The following ZNF75D variants were observed in gnomAD, a reference collection of about 807,000 sequenced individuals.
ZNF75D encodes the protein zinc finger protein 75D, also known as zinc finger protein 75.
Under a neutral mutation model 33.3 loss-of-function variants are expected in ZNF75D, and 33 were observed. That is an observed-to-expected ratio of 0.99 (90% CI 0.75 to 1.32). ZNF75D has a LOEUF of 1.32. ZNF75D is among the 40% of genes most tolerant of loss of function. The pLI is 0.00. For synonymous variants in ZNF75D, 113 were observed against 130.6 expected, an observed-to-expected ratio of 0.87 and a Z score of 0.92; for missense variants, 338 against 367.5, an observed-to-expected ratio of 0.92 and a Z score of 0.66.
intron 1 of ZNF75D, among the ~76,000 whole-genome samples, chrX:135,258,965 T>C (rs1284646701): frequency 8.9e-6 from 1 of 112,333 alleles, no homozygotes; most frequent in African/African-American, 3.2e-5. Flanking sequence ...TTGAATTAAT[T>C]TTTGTATAAG....
chrX:135,262,152 C>T (rs782096294), intron 1 of ZNF75D, among the ~76,000 whole-genome samples: 22 of 112,054 alleles, frequency 2.0e-4, no homozygotes, highest in Non-Finnish European at 3.8e-4. Flanking sequence ...GGGTTTCTTC[C>T]GAGAGATCCA....
Position 135,293,782 on chromosome X carries a change from G to A in ZNF75D, c.359C>T (p.Ala120Val). The A allele has an allele frequency of 8.3e-7, 1 of 1,202,452 alleles. No individual in the cohort carries two copies. The highest frequency in any genetic ancestry group is 1.1e-6 in the Non-Finnish European group (1 of 889,403). Residue 120 changes from alanine to valine, a missense_variant, in exon 3 of 7, where the codon GCT becomes GTT. Around this residue, in one of 3 missense-constraint regions of ZNF75D, gnomAD observed 254 missense variants for 267.7 expected, o/e 0.95. Transcript: ENST00000370766. ...QKHHPQNVKQ[A>V]LVLVEFLQRE... ...CTGCAAGAATTCCACCAGGACCAGA[G>A]CCTGTTTGACATTCTGTGGATGATG...
At chrX:135,306,147 T>C (rs1387022119) in intron 1 of ZNF75D, among the ~76,000 whole-genome samples, 1 of 110,665 alleles carries the variant, frequency 9.0e-6, no homozygotes, top group Non-Finnish European at 1.9e-5. Context: ...GAGGCCAGAC[T>C]GGGTCTTAAG....
chrX:135,314,651 TTAC>T (rs2084397948), intron 1 of ZNF75D, among the ~76,000 whole-genome samples: 1 of 111,737 alleles, frequency 8.9e-6, no homozygotes, highest in East Asian at 2.8e-4. Context: ...TGATTTAATG[TTAC>T]TACTTGTTAT....
In ZNF75D at chrX:135,263,789, C is replaced by T. The variant is rs190756767; in HGVS notation, n.828-8012G>A. ...GTGCTTCCTGGGTGAGGCGACACCCCGCCCTGCTTCAGCTCGCCCTCTGTG... is the reference window on the plus strand; with the variant it reads ...GTGCTTCCTGGGTGAGGCGACACCCTGCCCTGCTTCAGCTCGCCCTCTGTG... On this transcript the variant is annotated intron_variant and non_coding_transcript_variant, in intron 1 of 3. Coordinates refer to the ZNF75D transcript ENST00000494295. Among the ~76,000 whole-genome samples the T allele has an allele frequency of 8.0e-4, 90 of 112,880 alleles. No individual in the cohort carries two copies. In the East Asian group the frequency reaches 0.023, roughly 29 times the overall value.
intron 1 of ZNF75D, among the ~76,000 whole-genome samples, chrX:135,313,737 A>G (rs1373573198): frequency 9.0e-6 from 1 of 111,034 alleles, no homozygotes; most frequent in Non-Finnish European, 1.9e-5. Context: ...TAGGTATTTT[A>G]TATTTTTGTA....
intron 1 of ZNF75D, among the ~76,000 whole-genome samples, chrX:135,312,060 C>A (rs1251481180): frequency 9.0e-6 from 1 of 111,313 alleles, no homozygotes; most frequent in Non-Finnish European, 1.9e-5. Context: ...TAACTATAGT[C>A]GCCTTACTTT....
intron 1 of ZNF75D, among the ~76,000 whole-genome samples, chrX:135,264,349 T>G (rs1556416038): frequency 1.8e-5 from 2 of 111,695 alleles, no homozygotes. Context: ...ATGTGGCTAT[T>G]ACAATTCAAC....
In ZNF75D at chrX:135,280,508, G is replaced by A. The variant is rs782252442; in HGVS notation, n.828-24731C>T. Among the ~76,000 whole-genome samples, 29 of 111,878 alleles carry A rather than the reference G, an allele frequency of 2.6e-4. No individual in the cohort carries two copies. The South Asian group carries it at 0.01, about 40-fold the overall frequency. On this transcript the variant is annotated intron_variant and non_coding_transcript_variant, in intron 1 of 3. Coordinates refer to the ZNF75D transcript ENST00000494295. ...TTACATTTAAGGTTAATATTTTTAT[G>A]TGTGAATTTGATCCTGTCATTATGA...
intron 1 of ZNF75D, among the ~76,000 whole-genome samples, chrX:135,304,122 G>A (rs1390343186): frequency 1.8e-5 from 2 of 112,029 alleles, no homozygotes; most frequent in African/African-American, 6.5e-5. Flanking sequence ...TAACAAAAAG[G>A]ATTCATTACT....
intron 1 of ZNF75D, among the ~76,000 whole-genome samples, chrX:135,272,309 C>G (rs1299069470): frequency 9.7e-6 from 1 of 102,659 alleles, no homozygotes; most frequent in Non-Finnish European, 2.0e-5. Context: ...TTTTCCAGAT[C>G]TCCTTTTTAT....
Position 135,293,783 on chromosome X carries a change from C to T in ZNF75D, c.358G>A (p.Ala120Thr), listed in dbSNP as rs781812776. 1.7e-6 allele frequency: 2 copies of T among 1,202,578 alleles called. No individual in the cohort carries two copies. The highest frequency in any genetic ancestry group is 2.2e-6 in the Non-Finnish European group (2 of 889,367). Reference protein sequence around the residue: ...QKHHPQNVKQALVLVEFLQRE... With the variant: ...QKHHPQNVKQTLVLVEFLQRE... ...TGCAAGAATTCCACCAGGACCAGAG[C>T]CTGTTTGACATTCTGTGGATGATGC... Residue 120 changes from alanine to threonine, a missense_variant, in exon 3 of 7, where the codon GCT becomes ACT. Physicochemically the swap from Ala to Thr is moderately conservative, Grantham distance 58. Around this residue, in one of 3 missense-constraint regions of ZNF75D, gnomAD observed 254 missense variants for 267.7 expected, o/e 0.95. Transcript: ENST00000370766.
At chrX:135,259,782 T>C (rs1229663556) in intron 1 of ZNF75D, among the ~76,000 whole-genome samples, 2 of 111,999 alleles carry the variant, frequency 1.8e-5, no homozygotes, top group Non-Finnish European at 3.8e-5. Context: ...GAATACCCTT[T>C]ATTTCCTTCT....
chrX:135,315,850 C>T (rs781801871), intron 1 of ZNF75D, among the ~76,000 whole-genome samples: 3 of 111,639 alleles, frequency 2.7e-5, no homozygotes, highest in Admixed American at 9.5e-5. Flanking sequence ...ATAGGCAGCA[C>T]GTAGTTAGAT....
intron 1 of ZNF75D, among the ~76,000 whole-genome samples, chrX:135,339,530 T>C (rs1431282371): frequency 1.8e-5 from 2 of 112,420 alleles, no homozygotes; most frequent in African/African-American, 3.2e-5. Flanking sequence ...ACCAGTAGGA[T>C]GTGGGGCAGC....
In ZNF75D at chrX:135,342,698, T is replaced by A. The variant is rs1364050091; in HGVS notation, c.-1321A>T. 1.8e-5 allele frequency: 2 copies of A among 112,177 alleles called. No homozygotes were observed. The highest frequency in any genetic ancestry group is 3.8e-5 in the Non-Finnish European group (2 of 53,253). The allele number at this position is 112,177 out of a possible 1,213,427, so 9.2% of individuals were successfully genotyped here. ...AGTTCACAATTAACTGAGACCCATC[T>A]CTGCAGAGGAGACCAGACTGCTGCC... On this transcript the variant is annotated 5_prime_UTR_variant, in exon 1 of 7. Transcript: ENST00000370766.
At chrX:135,283,376 G>A (rs781808890), downstream of ZNF75D, among the ~76,000 whole-genome samples, 1 of 111,956 alleles carries the variant, frequency 8.9e-6, no homozygotes, top group African/African-American at 3.2e-5. Flanking sequence ...CTTTGCTGTT[G>A]AGCTAAGAAC....
chrX:135,312,724 G>A (rs1421100569), intron 1 of ZNF75D, among the ~76,000 whole-genome samples: 5 of 107,942 alleles, frequency 4.6e-5, no homozygotes, highest in African/African-American at 1.4e-4. Context: ...ATCTCATCGT[G>A]GTTTTGATTT....
chrX:135,284,742 G>A (rs150324535), downstream of ZNF75D, among the ~76,000 whole-genome samples: 883 of 108,819 alleles, frequency 8.1e-3, 5 homozygotes, highest in Non-Finnish European at 0.012. Context: ...GGACCTGCAC[G>A]ATAAGCTTTG....
Sources: allele counts gnomAD v4.1 joint callset (sites outside exome capture counted in the v4.1 genomes callset), GRCh38; gene constraint gnomAD v4.1.1; regional missense constraint gnomAD v4.1.1; transcripts MANE v1.5; gene names NCBI Gene and HGNC (gene_info 2026-07-23, HGNC 2026-07-21).